PLCG2: variants seen among roughly 807,000 people sequenced by gnomAD.
PLCG2 encodes 1-phosphatidylinositol 4,5-bisphosphate phosphodiesterase gamma-2.
In PLCG2, 69 loss-of-function variants were observed where a neutral mutation model predicts 175.6. That is an observed-to-expected ratio of 0.39 (90% CI 0.32 to 0.48). The LOEUF (loss-of-function observed/expected upper bound fraction) is 0.48. PLCG2 is among the 20% of genes least tolerant of loss of function. The pLI is 0.91. For synonymous variants in PLCG2, 827 were observed against 624.0 expected (o/e 1.33, Z -4.85); for missense variants, 1,798 against 1,650.9 (o/e 1.09, Z -1.54).
chr16:81,897,371 A>T (rs941851085), intron 13 of PLCG2, among the ~76,000 whole-genome samples: 1 of 152,150 alleles, frequency 6.6e-6, no homozygotes, highest in Admixed American at 6.6e-5. Flanking sequence ...TTACCATCCT[A>T]TGCTTCAATT....
At chr16:81,758,066 C>G (rs141855480) in intron 2 of PLCG2, among the ~76,000 whole-genome samples, 262 of 152,330 alleles carry the variant, frequency 1.7e-3, no homozygotes, top group Non-Finnish European at 2.9e-3. Flanking sequence ...GCTTCCACCT[C>G]ACGGGCTCAA....
intron 7 of PLCG2, among the ~76,000 whole-genome samples, chr16:81,876,615 A>G (rs1003926679): frequency 2.6e-5 from 4 of 152,142 alleles, no homozygotes; most frequent in Admixed American, 2.0e-4. Flanking sequence ...AAATTAGTTT[A>G]TCTATTATTT....
intron 2 of PLCG2, among the ~76,000 whole-genome samples, chr16:81,820,181 C>A (rs2143332019): frequency 6.6e-6 from 1 of 152,276 alleles, no homozygotes; most frequent in Admixed American, 6.5e-5. Context: ...AAAAGGCACT[C>A]ATTTTAAGTA....
chr16:81,847,355 A>T (rs1339401954), intron 2 of PLCG2, among the ~76,000 whole-genome samples: 1 of 152,196 alleles, frequency 6.6e-6, no homozygotes, highest in Admixed American at 6.5e-5. Flanking sequence ...GAGCCTAATT[A>T]CAAAGGCATG....
At position 81,810,888 on chromosome 16, in the gene PLCG2, T is replaced by G. The variant is rs555757587; in HGVS notation, c.193+24706T>G. Among the ~76,000 whole-genome samples the G allele has an allele frequency of 9.5e-4, 145 of 152,228 alleles. 1 individual carries two copies. The highest frequency in any genetic ancestry group is 3.3e-3 in the African/African-American group (136 of 41,536). Reference sequence around the variant, plus strand: ...CAAATAATTTTGTACATGACTATATTTATAACGAAAATGAAGGTAACTTTT... The same window carrying G: ...CAAATAATTTTGTACATGACTATATGTATAACGAAAATGAAGGTAACTTTT... On this transcript the variant is annotated intron_variant, in intron 2 of 32. Transcript: ENST00000564138.
chr16:81,937,707 G>C, intron 27 of PLCG2, 51 bp from the exon 28 acceptor site: 1 of 1,571,440 alleles, frequency 6.4e-7, no homozygotes, highest in Non-Finnish European at 8.7e-7. Flanking sequence ...TGGCCTAGGG[G>C]GCCAGCGTGC....
intron 1 of PLCG2, among the ~76,000 whole-genome samples, chr16:81,780,767 C>T (rs896134599): frequency 3.3e-5 from 5 of 152,188 alleles, no homozygotes; most frequent in African/African-American, 1.2e-4. Flanking sequence ...TGGCTCACAC[C>T]TGTAATCCCA....
chr16:81,955,173 C>G (rs1911518970), intron 31 of PLCG2, among the ~76,000 whole-genome samples: 1 of 152,224 alleles, frequency 6.6e-6, no homozygotes, highest in Admixed American at 6.5e-5. Context: ...CTGGAATAAT[C>G]ATCTTCTGTC....
chr16:81,811,371 G>T (rs1435159693), intron 2 of PLCG2, among the ~76,000 whole-genome samples: 1 of 152,140 alleles, frequency 6.6e-6, no homozygotes, highest in Non-Finnish European at 1.5e-5. Context: ...TTGCACGTCG[G>T]GGTTCAGGAC....
chr16:81,878,077 G>C (rs1374927521), intron 7 of PLCG2, among the ~76,000 whole-genome samples: 4 of 146,210 alleles, frequency 2.7e-5, no homozygotes, highest in African/African-American at 5.1e-5. Context: ...TGCCTCCCGG[G>C]TTCACGCCAT....
intron 31 of PLCG2, among the ~76,000 whole-genome samples, chr16:81,947,953 G>A (rs1280333310): frequency 1.3e-5 from 2 of 152,132 alleles, no homozygotes; most frequent in African/African-American, 2.4e-5. Flanking sequence ...GATTCATACA[G>A]GTGCCCTTTT....
intron 30 of PLCG2, among the ~76,000 whole-genome samples, chr16:81,941,349 A>C (rs748921224): frequency 6.6e-6 from 1 of 152,150 alleles, no homozygotes; most frequent in Non-Finnish European, 1.5e-5. Context: ...GACTCAGAAG[A>C]AAGTGCAGGT....
chr16:81,948,900 T>C (rs554473327), intron 31 of PLCG2, among the ~76,000 whole-genome samples: 4 of 152,322 alleles, frequency 2.6e-5, no homozygotes, highest in Admixed American at 6.5e-5. Context: ...TGGCTGGCAG[T>C]TGAAACTGAG....
At chr16:81,803,633 TTCCCTCCC>T (rs61352183) in intron 2 of PLCG2, among the ~76,000 whole-genome samples, 4,878 of 88,404 alleles carry the variant, frequency 0.055, 398 homozygotes, top group African/African-American at 0.18. Context: ...TCTTTTCTTC[TTCCCTCCC>T]TCCCTCCCTC....
intron 2 of PLCG2, among the ~76,000 whole-genome samples, chr16:81,827,342 C>T (rs974719300): frequency 2.0e-5 from 3 of 152,034 alleles, no homozygotes; most frequent in African/African-American, 7.2e-5. Context: ...TGCTCCCATG[C>T]GCAGCTATTT....
At chr16:81,767,133 G>A (rs1420142249) in intron 2 of PLCG2, among the ~76,000 whole-genome samples, 5 of 131,916 alleles carry the variant, frequency 3.8e-5, no homozygotes, top group Admixed American at 1.7e-4. Context: ...TGATAAACTC[G>A]TGGTTTTTTT....
exon 1 of PLCG2, chr16:81,739,143 G>A (rs1359312723): frequency 1.3e-5 from 2 of 152,416 alleles, no homozygotes; most frequent in South Asian, 2.1e-4. Flanking sequence ...TCTGGGTGGG[G>A]GCAGGGGGGA....
intron 2 of PLCG2, among the ~76,000 whole-genome samples, chr16:81,802,093 CTTTTTTTTTTTTTTTTTTTTTTTTTTTT>C (rs1157731599): frequency 2.5e-5 from 1 of 40,012 alleles, no homozygotes; most frequent in Non-Finnish European, 4.4e-5. Flanking sequence ...TGAGTACAGT[CTTTTTTTTTTTTTTTTTTTTTTTTTTTT>C]TTTTTTTTTT....
chr16:81,958,660 G>A lies in PLCG2; in HGVS notation c.*662G>A, dbSNP rs1260923569. 1 of 223,466 alleles carries A rather than the reference G, an allele frequency of 4.5e-6. No homozygotes were observed. The highest frequency in any genetic ancestry group is 2.2e-5 in the African/African-American group (1 of 44,798). 13.8% of individuals were successfully genotyped at this position (223,466 alleles called of 1,614,324 possible). Reference sequence around the variant, plus strand: ...ACTGGGATGGAGGGTAGGAATCTTGGGGCCTCTTTGTTTTAAAAAGCCCAT... The same window carrying A: ...ACTGGGATGGAGGGTAGGAATCTTGAGGCCTCTTTGTTTTAAAAAGCCCAT... On this transcript the variant is annotated 3_prime_UTR_variant, in exon 33 of 33. Transcript: ENST00000564138.
Sources: allele counts gnomAD v4.1 joint callset (sites outside exome capture counted in the v4.1 genomes callset), GRCh38; gene constraint gnomAD v4.1.1; transcripts MANE v1.5; gene names NCBI Gene and HGNC (gene_info 2026-07-23, HGNC 2026-07-21).